Variants in SPATS2 observed in about 807,000 individuals in gnomAD.
The protein encoded by SPATS2 is spermatogenesis-associated serine-rich protein 2.
A neutral mutation model predicts 63.7 loss-of-function variants in SPATS2; 38 were observed. That is an observed-to-expected ratio of 0.60 (90% CI 0.46 to 0.78). SPATS2 has a LOEUF of 0.78. Ranked by LOEUF, SPATS2 falls within the 30% of genes least tolerant of loss-of-function variation. The pLI is 0.00. For synonymous variants in SPATS2, 207 were observed against 232.9 expected (o/e 0.89, Z 1.01); for missense variants, 588 against 666.2 (o/e 0.88, Z 1.29).
intron 3 of SPATS2, among the ~76,000 whole-genome samples, chr12:49,477,010 CAGG>C (rs1440095488): frequency 6.6e-6 from 1 of 151,528 alleles, no homozygotes; most frequent in Non-Finnish European, 1.5e-5. Flanking sequence ...GAGGGTGAGA[CAGG>C]AGAATCGTTT....
At chr12:49,385,826 G>A (rs1944304695) in intron 2 of SPATS2, among the ~76,000 whole-genome samples, 5 of 148,852 alleles carry the variant, frequency 3.4e-5, no homozygotes, top group Admixed American at 2.7e-4. Context: ...AATTTTGTGG[G>A]GTTTTTTTTG....
At chr12:49,501,160 A>G (rs1054002377) in intron 9 of SPATS2, among the ~76,000 whole-genome samples, 1 of 152,116 alleles carries the variant, frequency 6.6e-6, no homozygotes, top group African/African-American at 2.4e-5. Context: ...TGGTCTCACT[A>G]TGTTGCCCAG....
Position 49,524,751 on chromosome 12 carries a change from G to C in SPATS2, c.1181G>C (p.Ser394Thr). The change falls in exon 13 of 14, where the codon AGC becomes ACC. Residue 394 changes from serine to threonine, a missense_variant. Transcript: ENST00000552918. ...CSSVTSVSLS[S>T]PSDASAASSS... The stretch of plus-strand genomic sequence containing the variant: ...TCAGTTACATCTGTGTCCTTGAGTA[G>C]CCCAAGTGATGCCTCTGCTGCTTCC... 2 of 1,614,148 alleles carry C rather than the reference G, an allele frequency of 1.2e-6. No homozygotes were observed. The highest frequency in any genetic ancestry group is 2.2e-5 in the South Asian group (2 of 91,080).
intron 2 of SPATS2, among the ~76,000 whole-genome samples, chr12:49,412,305 C>T (rs1282189851): frequency 6.6e-6 from 1 of 151,950 alleles, no homozygotes; most frequent in African/African-American, 2.4e-5. Context: ...AGCGATTTTC[C>T]TGCCTCAGCC....
At chr12:49,395,536 C>T (rs556490946) in intron 2 of SPATS2, among the ~76,000 whole-genome samples, 9 of 151,992 alleles carry the variant, frequency 5.9e-5, no homozygotes, top group Non-Finnish European at 7.4e-5. Flanking sequence ...GTGATTCTCC[C>T]GCCTCAGCCT....
At chr12:49,500,762 ACT>A (rs770858240) in intron 9 of SPATS2, among the ~76,000 whole-genome samples, 1 of 151,638 alleles carries the variant, frequency 6.6e-6, no homozygotes, top group Non-Finnish European at 1.5e-5. Context: ...ACAGAGCGAA[ACT>A]CTGTCTCAAA....
Position 49,440,894 on chromosome 12 carries a change from C to T in SPATS2, c.-243-19876C>T, listed in dbSNP as rs186097651. 7.2e-4 allele frequency among the ~76,000 whole-genome samples: 109 copies of T among 152,260 alleles called. 1 individual carries two copies. The highest frequency in any genetic ancestry group is 2.4e-3 in the African/African-American group (101 of 41,542). The stretch of plus-strand genomic sequence containing the variant: ...ACTATTGTAAATGATGTGTCTTTCT[C>T]AGTTAAGTATTTCAGGAGCCACATG... On this transcript the variant is annotated intron_variant, in intron 2 of 13. Coordinates refer to ENST00000552918, the MANE Select transcript of SPATS2 (RefSeq NM_023071.4).
At chr12:49,432,508 C>T (rs1006495892) in intron 2 of SPATS2, among the ~76,000 whole-genome samples, 9 of 152,192 alleles carry the variant, frequency 5.9e-5, no homozygotes, top group African/African-American at 1.7e-4. Flanking sequence ...AGTTCAGGAG[C>T]GTTAAGTATA....
At chr12:49,407,479 C>T (rs146518167) in intron 2 of SPATS2, among the ~76,000 whole-genome samples, 66 of 152,286 alleles carry the variant, frequency 4.3e-4, no homozygotes, top group African/African-American at 1.5e-3. Flanking sequence ...TTAGCCACAG[C>T]GGCATCCTTG....
At chr12:49,432,549 G>GT (rs1945204107) in intron 2 of SPATS2, among the ~76,000 whole-genome samples, 1 of 152,154 alleles carries the variant, frequency 6.6e-6, no homozygotes, top group South Asian at 2.1e-4. Flanking sequence ...ATCGCCCAAA[G>GT]TTTTTTTATC....
chr12:49,442,158 A>G (rs558744496), intron 2 of SPATS2, among the ~76,000 whole-genome samples: 6 of 152,314 alleles, frequency 3.9e-5, no homozygotes, highest in East Asian at 3.9e-4. Context: ...AAAGCTTTCC[A>G]TAATTCAGTA....
At chr12:49,457,233 C>T (rs1359324791) in intron 2 of SPATS2, among the ~76,000 whole-genome samples, 1 of 152,040 alleles carries the variant, frequency 6.6e-6, no homozygotes, top group Non-Finnish European at 1.5e-5. Context: ...TTTCTTCTCT[C>T]ATTGTATTTC....
At chr12:49,523,693 T>C (rs1946981181) in intron 12 of SPATS2, among the ~76,000 whole-genome samples, 1 of 152,144 alleles carries the variant, frequency 6.6e-6, no homozygotes, top group African/African-American at 2.4e-5. Context: ...GGCTCATGCC[T>C]GTAATCCCAG....
At chr12:49,384,911 G>A (rs1944285691) in intron 2 of SPATS2, among the ~76,000 whole-genome samples, 1 of 151,952 alleles carries the variant, frequency 6.6e-6, no homozygotes, top group African/African-American at 2.4e-5. Context: ...CCGGGTTCAA[G>A]CAATTATCCT....
Position 49,484,685 on chromosome 12 carries a change from A to G in SPATS2, c.105+16A>G, listed in dbSNP as rs761204208. 5 of 1,611,518 alleles carry G rather than the reference A, an allele frequency of 3.1e-6. No individual in the cohort carries two copies. Among genetic ancestry groups the G allele is most frequent in the Admixed American group, 3.3e-5 (2 of 59,936 alleles). On this transcript the variant is annotated intron_variant, in intron 4 of 13. Coordinates refer to ENST00000552918, the MANE Select transcript of SPATS2 (RefSeq NM_023071.4). ...GAAAGAGAAGGTAAGACTAGTCACT[A>G]TGGATAGTAAACTTAAATGTCATAG...
At chr12:49,401,980 T>A (rs963623832) in intron 2 of SPATS2, among the ~76,000 whole-genome samples, 3 of 150,990 alleles carry the variant, frequency 2.0e-5, no homozygotes, top group Admixed American at 6.6e-5. Flanking sequence ...ATTGATTGAT[T>A]GGTTGATTGA....
intron 3 of SPATS2, among the ~76,000 whole-genome samples, chr12:49,476,298 A>G (rs186834835): frequency 1.3e-5 from 2 of 152,266 alleles, no homozygotes; most frequent in African/African-American, 4.8e-5. Context: ...TGGCTGGGGC[A>G]GTAGGAGGAG....
At chr12:49,418,896 A>G (rs1436247721) in intron 2 of SPATS2, among the ~76,000 whole-genome samples, 1 of 152,238 alleles carries the variant, frequency 6.6e-6, no homozygotes, top group Non-Finnish European at 1.5e-5. Context: ...GGCAGACAAT[A>G]GGTACTTTCA....
At chr12:49,505,209 T>C (rs1201417531) in intron 9 of SPATS2, among the ~76,000 whole-genome samples, 1 of 152,176 alleles carries the variant, frequency 6.6e-6, no homozygotes, top group Non-Finnish European at 1.5e-5. Context: ...TCCAAAAATA[T>C]CTAAAATGTG....
Sources: allele counts gnomAD v4.1 joint callset (sites outside exome capture counted in the v4.1 genomes callset), GRCh38; gene constraint gnomAD v4.1.1; transcripts MANE v1.5; gene names NCBI Gene and HGNC (gene_info 2026-07-23, HGNC 2026-07-21).